The following PLXDC2 variants were observed in gnomAD, a reference collection of about 807,000 sequenced individuals.
The protein encoded by PLXDC2 is plexin domain-containing protein 2.
Under a neutral mutation model 68.9 loss-of-function variants are expected in PLXDC2, and 40 were observed. That is an observed-to-expected ratio of 0.58 (90% CI 0.45 to 0.76). The LOEUF is 0.76. Ranked by LOEUF, PLXDC2 falls within the 30% of genes least tolerant of loss-of-function variation. The pLI is 0.00. For synonymous variants in PLXDC2, 243 were observed against 234.2 expected (o/e 1.04, Z -0.34); for missense variants, 644 against 661.9 (o/e 0.97, Z 0.30).
intron 12 of PLXDC2, among the ~76,000 whole-genome samples, chr10:20,222,733 G>T (rs1000738527): frequency 6.6e-6 from 1 of 152,082 alleles, no homozygotes; most frequent in Non-Finnish European, 1.5e-5. Flanking sequence ...TGGGCCTGTA[G>T]TCCCAGCTAC....
intron 9 of PLXDC2, among the ~76,000 whole-genome samples, chr10:20,203,453 C>T (rs1185212577): frequency 6.6e-6 from 1 of 151,806 alleles, no homozygotes; most frequent in African/African-American, 2.4e-5. Context: ...TACAGGCATG[C>T]ACCACCATGC....
chr10:19,877,103 G>C (rs72784151), intron 1 of PLXDC2, among the ~76,000 whole-genome samples: 1 of 152,000 alleles, frequency 6.6e-6, no homozygotes, highest in Non-Finnish European at 1.5e-5. Context: ...TTCTGTGGTG[G>C]TAAAATAACA....
chr10:20,048,752 G>A (rs555649212), intron 3 of PLXDC2, among the ~76,000 whole-genome samples: 22 of 152,036 alleles, frequency 1.4e-4, no homozygotes, highest in East Asian at 3.9e-4. Flanking sequence ...CCTCTGTGCC[G>A]CCCCCCAAGG....
chr10:19,904,088 G>T (rs1589528587), intron 1 of PLXDC2, among the ~76,000 whole-genome samples: 1 of 152,170 alleles, frequency 6.6e-6, no homozygotes, highest in East Asian at 1.9e-4. Flanking sequence ...ACTGAGGCTT[G>T]TTTTGTGTCC....
intron 12 of PLXDC2, among the ~76,000 whole-genome samples, chr10:20,235,396 G>C (rs1478872182): frequency 6.6e-6 from 1 of 152,104 alleles, no homozygotes; most frequent in Non-Finnish European, 1.5e-5. Flanking sequence ...ATATAACAAA[G>C]TATACTAATC....
intron 4 of PLXDC2, among the ~76,000 whole-genome samples, chr10:20,084,810 G>A (rs1386752964): frequency 1.3e-5 from 2 of 151,412 alleles, no homozygotes; most frequent in Admixed American, 1.3e-4. Context: ...TCTTATATTT[G>A]GTCAAGAATG....
intron 2 of PLXDC2, among the ~76,000 whole-genome samples, chr10:20,022,115 G>T (rs1052797900): frequency 1.3e-5 from 2 of 152,188 alleles, no homozygotes; most frequent in Non-Finnish European, 1.5e-5. Context: ...TTTACTCTCG[G>T]ATTCTCCTCT....
chr10:20,102,243 C>T (rs11598827), intron 4 of PLXDC2, among the ~76,000 whole-genome samples: 34,193 of 152,122 alleles, frequency 0.22, 4,705 homozygotes, highest in East Asian at 0.49. Context: ...ATCTACATTC[C>T]ATGTTATTAT....
At chr10:20,186,275 G>A (rs772890391) in intron 9 of PLXDC2, among the ~76,000 whole-genome samples, 2 of 151,872 alleles carry the variant, frequency 1.3e-5, no homozygotes, top group Non-Finnish European at 2.9e-5. Flanking sequence ...ATTTCTAATT[G>A]AAGGCGTCAA....
intron 1 of PLXDC2, among the ~76,000 whole-genome samples, chr10:19,820,041 C>CAGAGAA: frequency 6.6e-6 from 1 of 152,190 alleles, no homozygotes; most frequent in Non-Finnish European, 1.5e-5. Flanking sequence ...GTTTCTTTTT[C>CAGAGAA]CTTTAGAGAA....
chr10:20,230,157 C>A (rs1289460327), intron 12 of PLXDC2, among the ~76,000 whole-genome samples: 2 of 152,148 alleles, frequency 1.3e-5, no homozygotes, highest in African/African-American at 4.8e-5. Context: ...GGCTATCACA[C>A]TGACTTTTAA....
At position 20,279,702 on chromosome 10, in the gene PLXDC2, G is replaced by A; in HGVS notation, c.1474-1G>A. ...TTTTATTTTTGTGTTTTCTGTTTCA[G>A]AGACGCCCAAGCAGATGGCCTGCGA... On this transcript the variant is annotated splice_acceptor_variant, in intron 13 of 13. Transcript: ENST00000377252. LOFTEE classifies it high-confidence loss of function. The A allele has an allele frequency of 6.2e-7, 1 of 1,613,172 alleles. No homozygotes were observed. The highest frequency in any genetic ancestry group is 8.5e-7 in the Non-Finnish European group (1 of 1,179,498).
intron 2 of PLXDC2, among the ~76,000 whole-genome samples, chr10:20,020,178 A>ATTTTTTTTTTTTTTTTTTTTTTTTT (rs71388889): frequency 5.6e-5 from 6 of 107,332 alleles, no homozygotes; most frequent in African/African-American, 2.5e-4. Context: ...CACCCAGCAA[A>ATTTTTTTTTTTTTTTTTTTTTTTTT]TTTTTTTTTT....
intron 12 of PLXDC2, among the ~76,000 whole-genome samples, 170 bp from the exon 13 acceptor site, chr10:20,245,175 T>G (rs1349903387): frequency 4.6e-5 from 7 of 152,244 alleles, no homozygotes; most frequent in Non-Finnish European, 4.4e-5. Flanking sequence ...TATGGATTCT[T>G]CATTGCCCAT....
intron 2 of PLXDC2, among the ~76,000 whole-genome samples, chr10:20,037,046 G>A (rs1362057800): frequency 6.6e-6 from 1 of 152,088 alleles, no homozygotes; most frequent in Non-Finnish European, 1.5e-5. Flanking sequence ...TTGCCTTTTG[G>A]CCAAAAGATC....
intron 1 of PLXDC2, among the ~76,000 whole-genome samples, chr10:19,884,305 G>A (rs1305406643): frequency 6.6e-6 from 1 of 152,042 alleles, no homozygotes; most frequent in African/African-American, 2.4e-5. Flanking sequence ...TTAAAAAATT[G>A]CCCAAGAACT....
At chr10:20,193,915 A>C (rs1350775452) in intron 9 of PLXDC2, among the ~76,000 whole-genome samples, 1 of 144,632 alleles carries the variant, frequency 6.9e-6, no homozygotes, top group Non-Finnish European at 1.6e-5. Context: ...TAGAAAAAGC[A>C]AGGAAATAGG....
At chr10:19,910,111 T>C (rs1453154263) in intron 1 of PLXDC2, among the ~76,000 whole-genome samples, 3 of 151,758 alleles carry the variant, frequency 2.0e-5, no homozygotes, top group Non-Finnish European at 2.9e-5. Context: ...AGCAATATCA[T>C]TGACATCCAC....
intron 1 of PLXDC2, among the ~76,000 whole-genome samples, chr10:19,906,711 C>A (rs1176636305): frequency 6.6e-6 from 1 of 152,112 alleles, no homozygotes; most frequent in East Asian, 1.9e-4. Context: ...CAGAAGGCCC[C>A]AGCACCAAAA....
Sources: gnomAD v4.1 joint callset for allele counts (sites outside exome capture counted in the v4.1 genomes callset) on GRCh38, gnomAD v4.1.1 for gene constraint, MANE v1.5 for transcripts, NCBI Gene and HGNC (gene_info 2026-07-23, HGNC 2026-07-21) for gene names.